TEKT4: variants seen among roughly 807,000 people sequenced by gnomAD.
TEKT4 encodes the protein tektin 4, also known as tektin-4.
Under a neutral mutation model 46.0 loss-of-function variants are expected in TEKT4, and 46 were observed. The ratio of observed to expected loss-of-function variants is 1.00; its 90% confidence interval spans 0.79 to 1.28. TEKT4 has a LOEUF of 1.28. Ranked by LOEUF, TEKT4 falls within the 50% of genes most tolerant of loss-of-function variation. TEKT4 has a pLI of 0.00. For missense variants in TEKT4, 790 were observed against 622.9 expected (o/e 1.27, Z -2.85); for synonymous variants, 325 against 265.8 (o/e 1.22, Z -2.17).
intron 1 of TEKT4, 94 bp from the exon 2 acceptor site, chr2:94,873,426 G>C: frequency 6.3e-7 from 1 of 1,596,978 alleles, no homozygotes; most frequent in East Asian, 2.2e-5. Context: ...ACTCCTTGTG[G>C]TTGCTCAGGT....
At chr2:94,872,833 T>A in intron 1 of TEKT4, 4 of 1,289,126 alleles carry the variant, frequency 3.1e-6, no homozygotes, top group Non-Finnish European at 4.0e-6. Context: ...CCCCCTGCAC[T>A]CTCTCAGTGC....
rs1212002640 is a variant in TEKT4, at chr2:94,875,165, C to T, written c.936+167C>T. Among the ~76,000 whole-genome samples, 6 of 152,218 alleles carry T rather than the reference C, an allele frequency of 3.9e-5. No homozygotes were observed. In the East Asian group the frequency reaches 1.2e-3, roughly 29 times the overall value. ...CACTGGGTATGATCGACCGGTGTTG[C>T]CACCCCTATGACTCAGCAGGAGGAG... On this transcript the variant is annotated intron_variant, in intron 4 of 5. Coordinates refer to ENST00000295201, the MANE Select transcript of TEKT4 (RefSeq NM_144705.4).
rs111380473 is a variant in TEKT4, at chr2:94,871,819, G to A, written c.240G>A (p.Ala80=). The A allele has an allele frequency of 8.7e-6, 14 of 1,608,790 alleles. No homozygotes were observed. Among genetic ancestry groups the A allele is most frequent in the East Asian group, 2.2e-5 (1 of 44,800 alleles). ...TGGCCACAGAGACCCAGGCGCTGGC[G>A]CAGCGCACGCAGCAAGACTCCACGC... The part of the protein sequence containing the change: ...QQLATETQAL[A]QRTQQDSTRT... The change falls in exon 1 of 6, where the codon GCG becomes GCA. Residue 80 remains alanine (A), a synonymous_variant. Coordinates refer to ENST00000295201, the MANE Select transcript of TEKT4 (RefSeq NM_144705.4).
At position 94,873,540 on chromosome 2, in the gene TEKT4, C is replaced by T. The variant is rs143966999; in HGVS notation, c.519C>T (p.Asn173=). 3.7e-6 allele frequency: 6 copies of T among 1,612,506 alleles called. No homozygotes were observed. The African/African-American group carries it at 4.0e-5, about 11-fold the overall frequency. The change falls in exon 2 of 6, where the codon AAC becomes AAT. Residue 173 remains asparagine (N), a synonymous_variant. Transcript: ENST00000295201. ...ELLKEAELIR[N]IQELLKRTIM... is the part of the protein sequence containing the mutation. ...CTCAGGAAGCCGAGCTCATCCGGAA[C>T]ATTCAGGAGCTGCTGAAGAGAACCA...
At chr2:94,875,482 G>A (rs1680800964) in intron 4 of TEKT4, 106 bp from the exon 5 acceptor site, 1 of 1,545,874 alleles carries the variant, frequency 6.5e-7, no homozygotes, top group Non-Finnish European at 8.8e-7. Flanking sequence ...GGTCAGGACT[G>A]CCCTCTGGAC....
chr2:94,875,381 A>G (rs1472081945), intron 4 of TEKT4, among the ~76,000 whole-genome samples: 1 of 152,176 alleles, frequency 6.6e-6, no homozygotes, highest in Non-Finnish European at 1.5e-5. Context: ...CTTGGACCAC[A>G]GCTAAGGGAC....
chr2:94,872,183 GC>G, intron 1 of TEKT4, 106 bp downstream of exon 1: 1 of 1,399,398 alleles, frequency 7.1e-7, no homozygotes, highest in Non-Finnish European at 9.4e-7. Context: ...GCACGCGGGA[GC>G]CCAGCCCTCT....
chr2:94,872,761 C>T lies in TEKT4; in HGVS notation c.498+684C>T, dbSNP rs1479966447. The T allele has an allele frequency of 4.8e-6, 6 of 1,253,672 alleles. No homozygotes were observed. The Admixed American group carries it at 1.2e-4, about 24-fold the overall frequency. The allele number at this position is 1,253,672 out of a possible 1,614,324, so 77.7% of individuals were successfully genotyped here. A position where few individuals can be genotyped will look rare whatever the true frequency, so the allele number is the denominator to read the frequency against. ...CATACCCCAAGCTCAGGCAAGAACC[C>T]TTGAGTCCCTCCCTCCCCTCATGCC... On this transcript the variant is annotated intron_variant, in intron 1 of 5. Coordinates refer to ENST00000295201, the MANE Select transcript of TEKT4 (RefSeq NM_144705.4).
At chr2:94,874,492 G>A (rs1452049855) in intron 3 of TEKT4, among the ~76,000 whole-genome samples, 1 of 151,654 alleles carries the variant, frequency 6.6e-6, no homozygotes, top group African/African-American at 2.4e-5. Flanking sequence ...TGCTGCAGAG[G>A]GGGCCTCCGG....
Position 94,874,814 on chromosome 2 carries a change from A to G in TEKT4, c.752A>G (p.Asp251Gly). The change falls in exon 4 of 6, where the codon GAC becomes GGC. Residue 251 changes from aspartate to glycine, a missense_variant. By Grantham distance (94) the Asp-to-Gly change is moderately conservative (BLOSUM62 -1). Transcript: ENST00000295201. Reference sequence around the variant, plus strand: ...GAGACCCGGGCCAAGTTCACGCAGGACAATCTGTGCCGTGCCCAGCGCGAG... The same window carrying G: ...GAGACCCGGGCCAAGTTCACGCAGGGCAATCTGTGCCGTGCCCAGCGCGAG... ...TPETRAKFTQ[D>G]NLCRAQRERL... is the part of the protein sequence containing the mutation. 6.2e-7 allele frequency: 1 copy of G among 1,601,526 alleles called. No homozygotes were observed. The highest frequency in any genetic ancestry group is 1.1e-5 in the South Asian group (1 of 89,076).
intron 2 of TEKT4, 61 bp from the exon 3 acceptor site, chr2:94,873,904 G>C (rs1261518275): frequency 6.2e-7 from 1 of 1,602,168 alleles, no homozygotes; most frequent in Non-Finnish European, 8.5e-7. Flanking sequence ...CTGCAGCACA[G>C]AGGGTCCCCA....
intron 4 of TEKT4, 98 bp from the exon 5 acceptor site, chr2:94,875,490 G>A (rs548045740): frequency 6.4e-7 from 1 of 1,566,558 alleles, no homozygotes; most frequent in South Asian, 1.2e-5. Context: ...CTGCCCTCTG[G>A]ACACAGCCCC....
rs370386064 is a variant in TEKT4, at chr2:94,874,067, C to G, written c.672C>G (p.Thr224=). Residue 224 remains threonine, a synonymous_variant, in exon 3 of 6, where the codon ACC becomes ACG. Coordinates refer to ENST00000295201, the MANE Select transcript of TEKT4 (RefSeq NM_144705.4). ...GCGGGCGCCACCACAGCCAGAGCAC[C>G]GAGGTGCAGGCTCATCCGTACTCCA... is the stretch of plus-strand genomic sequence containing the variant. The part of the protein sequence containing the change: ...ETCGRHHSQS[T]EVQAHPYSTT... The G allele has an allele frequency of 8.1e-6, 13 of 1,613,630 alleles. No homozygotes were observed. Among genetic ancestry groups the G allele is most frequent in the Non-Finnish European group, 1.1e-5 (13 of 1,179,918 alleles).
rs527642669 is a variant in TEKT4 at position 94,872,141 on chromosome 2, G to A, written c.498+64G>A. 5,258 of 1,455,702 alleles carry A rather than the reference G, an allele frequency of 3.6e-3. 18 individuals are homozygous for A. The highest frequency in any genetic ancestry group is 4.2e-3 in the Non-Finnish European group (4,627 of 1,106,384). The allele number at this position is 1,455,702 out of a possible 1,614,324, so 90.2% of individuals were successfully genotyped here. On this transcript the variant is annotated intron_variant, in intron 1 of 5. Transcript: ENST00000295201. ...GAGAGGAGGAGCCCCCCCCCCCGCA[G>A]TTCATGTGGACAAGCCACGTGGCTG...
chr2:94,876,424 G>A, intron 5 of TEKT4, 129 bp from the exon 6 acceptor site: 1 of 727,610 alleles, frequency 1.4e-6, no homozygotes, highest in Non-Finnish European at 2.3e-6. Context: ...TTTCCTGATG[G>A]GGTTCTTTCA....
At chr2:94,873,229 A>G in intron 1 of TEKT4, 1 of 1,290,402 alleles carries the variant, frequency 7.7e-7, no homozygotes, top group Non-Finnish European at 9.9e-7. Context: ...GCACTGAGTG[A>G]GCAGCAGCGA....
At chr2:94,872,793 C>A in intron 1 of TEKT4, 1 of 1,287,570 alleles carries the variant, frequency 7.8e-7, no homozygotes, top group Non-Finnish European at 1.0e-6. Flanking sequence ...TGCCTTCCCT[C>A]CTCCCTTCTT....
In TEKT4 at chr2:94,875,616, A is replaced by G; in HGVS notation, c.965A>G (p.His322Arg). ...CTGCGGGAAATCACAGATCAGGAAC[A>G]CAACGTGGCGGCACTGAAGCAGGCC... The part of the protein sequence containing the change: ...KTLREITDQE[H>R]NVAALKQAIK... Residue 322 changes from histidine (H) to arginine (R), a missense_variant, in exon 5 of 6, where the codon CAC becomes CGC. Physicochemically the swap from His to Arg is conservative, Grantham distance 29. Coordinates refer to ENST00000295201, the MANE Select transcript of TEKT4 (RefSeq NM_144705.4). The G allele has an allele frequency of 1.2e-6, 2 of 1,614,156 alleles. No individual in the cohort carries two copies. Among genetic ancestry groups the G allele is most frequent in the Non-Finnish European group, 1.7e-6 (2 of 1,179,996 alleles).
At position 94,871,788 on chromosome 2, in the gene TEKT4, A is replaced by T; in HGVS notation, c.209A>T (p.Gln70Leu). 6.2e-7 allele frequency: 1 copy of T among 1,611,918 alleles called. No individual in the cohort carries two copies. Among genetic ancestry groups the T allele is most frequent in the South Asian group, 1.1e-5 (1 of 91,012 alleles). The part of the protein sequence containing the change: ...DQSERQRHES[Q>L]QLATETQALA... Reference sequence around the variant, plus strand: ...TCGGAGCGGCAGCGGCACGAGAGCCAGCAGCTGGCCACAGAGACCCAGGCG... The same window carrying T: ...TCGGAGCGGCAGCGGCACGAGAGCCTGCAGCTGGCCACAGAGACCCAGGCG... The change falls in exon 1 of 6, where the codon CAG (glutamine) becomes CTG (leucine). Residue 70 changes from glutamine to leucine, a missense_variant. Gln to Leu is a moderately radical substitution (Grantham distance 113). Coordinates refer to ENST00000295201, the MANE Select transcript of TEKT4 (RefSeq NM_144705.4).
Sources: allele counts gnomAD v4.1 joint callset (sites outside exome capture counted in the v4.1 genomes callset), GRCh38; gene constraint gnomAD v4.1.1; transcripts MANE v1.5; gene names NCBI Gene and HGNC (gene_info 2026-07-23, HGNC 2026-07-21).